Variants in PRRC2B observed in about 807,000 individuals in gnomAD.
The protein encoded by PRRC2B is protein PRRC2B.
A neutral mutation model predicts 242.3 loss-of-function variants in PRRC2B; 68 were observed. The ratio of observed to expected loss-of-function variants is 0.28; its 90% CI spans 0.23 to 0.34. The LOEUF is 0.34. Among genes scored for constraint, PRRC2B ranks in the 10% least tolerant of loss-of-function variants. The pLI is 1.00. For missense variants in PRRC2B, 2,835 were observed against 2,954.8 expected (o/e 0.96, Z 0.94); for synonymous variants, 1,228 against 1,173.6 (o/e 1.05, Z -0.95).
At chr9:131,422,869 T>C (rs1439911697) in intron 1 of PRRC2B, among the ~76,000 whole-genome samples, 1 of 152,230 alleles carries the variant, frequency 6.6e-6, no homozygotes, top group East Asian at 1.9e-4. Context: ...CATTGATTTG[T>C]TCCCAAATCT....
chr9:131,455,227 C>T, intron 10 of PRRC2B, 61 bp downstream of exon 10: 1 of 1,202,690 alleles, frequency 8.3e-7, no homozygotes. Flanking sequence ...TGTTGTGTAC[C>T]CAGAGCATTT....
rs1225371397 is a variant in PRRC2B at position 131,446,021 on chromosome 9, TC to T, written c.614-378del. 7.9e-5 allele frequency among the ~76,000 whole-genome samples: 12 copies of T among 152,134 alleles called. No individual in the cohort carries two copies. Among genetic ancestry groups the T allele is most frequent in the African/African-American group, 2.9e-4 (12 of 41,428 alleles). On this transcript the variant is annotated intron_variant, in intron 6 of 31. Transcript: ENST00000683519. The surrounding 1 kb of genome is among the most constrained non-coding windows in gnomAD (Gnocchi z 4.1). ...AACTTGCTCCTGTTTTAATGTGTAG[TC>T]CAGTGCTGACCCTAAGTGGGCTGGT...
At chr9:131,419,648 C>T (rs1411168077) in intron 1 of PRRC2B, among the ~76,000 whole-genome samples, 1 of 151,134 alleles carries the variant, frequency 6.6e-6, no homozygotes, top group East Asian at 1.9e-4. Context: ...GTGCGGGGGT[C>T]TTTGTTCTCT....
chr9:131,391,219 C>T (rs1052301887), upstream of PRRC2B, among the ~76,000 whole-genome samples: 16 of 152,118 alleles, frequency 1.1e-4, no homozygotes, highest in African/African-American at 3.9e-4. Context: ...CTGGAGGTCA[C>T]GGTGGTTGGC....
chr9:131,381,382 T>C (rs1297181218), intron 1 of PRRC2B, among the ~76,000 whole-genome samples: 1 of 151,730 alleles, frequency 6.6e-6, no homozygotes, highest in East Asian at 1.9e-4. Context: ...TTTTCATTGC[T>C]TCTTATACTC....
intron 9 of PRRC2B, among the ~76,000 whole-genome samples, chr9:131,454,228 T>C (rs915380462): frequency 6.6e-6 from 1 of 152,216 alleles, no homozygotes; most frequent in African/African-American, 2.4e-5. Context: ...CAAATAATAT[T>C]CCATTGTGTG....
chr9:131,477,821 G>C lies in PRRC2B; in HGVS notation c.4484G>C (p.Arg1495Pro). 6.2e-7 allele frequency: 1 copy of C among 1,613,210 alleles called. No individual in the cohort carries two copies. The highest frequency in any genetic ancestry group is 1.1e-5 in the South Asian group (1 of 91,040). ...GGCCACTCCCCCTATGCCCTGGAGC[G>C]GGCAGCCCATGCCAGTGCTGACCTT... ...GSGHSPYALE[R>P]AAHASADLPE... is the part of the protein sequence containing the mutation. The change falls in exon 17 of 32, where the codon CGG (arginine) becomes CCG (proline). Residue 1495 changes from arginine to proline, a missense_variant. Coordinates refer to ENST00000683519, the MANE Select transcript of PRRC2B (RefSeq NM_013318.4).
chr9:131,458,726 C>T (rs1415467185), intron 10 of PRRC2B, among the ~76,000 whole-genome samples: 1 of 152,186 alleles, frequency 6.6e-6, no homozygotes, highest in Non-Finnish European at 1.5e-5. Context: ...TGATCTGGAA[C>T]TCCTGACCTC....
At chr9:131,445,901 G>GA (rs1838785765) in intron 6 of PRRC2B, among the ~76,000 whole-genome samples, 1 of 152,228 alleles carries the variant, frequency 6.6e-6, no homozygotes, top group African/African-American at 2.4e-5. Context: ...ACCTCCACTG[G>GA]AAGGACAGCA....
In PRRC2B at chr9:131,467,699, G is replaced by A; in HGVS notation, c.1857G>A (p.Lys619=). The A allele has an allele frequency of 6.2e-7, 1 of 1,613,978 alleles. No individual in the cohort carries two copies. Among genetic ancestry groups the A allele is most frequent in the Non-Finnish European group, 8.5e-7 (1 of 1,179,900 alleles). The change falls in exon 13 of 32, where the codon AAG becomes AAA. Residue 619 remains lysine (K), a synonymous_variant. Transcript: ENST00000683519. Reference sequence around the variant, plus strand: ...CTGGGTCCCCTGCACAGGAGTTCAAGTATCAGAAGTCCCTTCCTCCCCGAT... The same window carrying A: ...CTGGGTCCCCTGCACAGGAGTTCAAATATCAGAAGTCCCTTCCTCCCCGAT... ...REAGSPAQEF[K]YQKSLPPRFQ...
At chr9:131,418,991 A>G (rs1205471061) in intron 1 of PRRC2B, among the ~76,000 whole-genome samples, 2 of 152,070 alleles carry the variant, frequency 1.3e-5, no homozygotes, top group East Asian at 3.8e-4. Flanking sequence ...TAGGGATGAT[A>G]CTTTTCTGTA....
At chr9:131,419,783 G>T (rs1488069446) in intron 1 of PRRC2B, among the ~76,000 whole-genome samples, 1 of 152,020 alleles carries the variant, frequency 6.6e-6, no homozygotes, top group Non-Finnish European at 1.5e-5. Context: ...CAGTGTTTCA[G>T]ATTTGAGACT....
chr9:131,389,149 A>G (rs1278898938), upstream of PRRC2B, among the ~76,000 whole-genome samples: 1 of 108,852 alleles, frequency 9.2e-6, no homozygotes, highest in Non-Finnish European at 1.9e-5. Context: ...GCTCCTTTCA[A>G]TTTTTTTTTT....
At chr9:131,389,912 G>GTTTTTTT (rs1229622613), upstream of PRRC2B, among the ~76,000 whole-genome samples, 2 of 136,384 alleles carry the variant, frequency 1.5e-5, no homozygotes, top group Non-Finnish European at 3.2e-5. Flanking sequence ...TCGGAACATG[G>GTTTTTTT]TTGTTTTTTT....
At chr9:131,454,992 G>T in intron 9 of PRRC2B, 84 bp from the exon 10 acceptor site, 1 of 1,011,482 alleles carries the variant, frequency 9.9e-7, no homozygotes, top group South Asian at 1.4e-5. Flanking sequence ...AAAGTACTGG[G>T]ATTACAGGCA....
At chr9:131,452,215 A>G (rs570147211) in intron 9 of PRRC2B, among the ~76,000 whole-genome samples, 4 of 152,262 alleles carry the variant, frequency 2.6e-5, no homozygotes, top group East Asian at 1.9e-4. Flanking sequence ...CACTGCTGCA[A>G]TAATGGCTCA....
rs1010086722 is a variant in PRRC2B, at chr9:131,446,724, C to T, written c.855+82C>T. ...ATAGGTCAAGTGGTTGAATGTCCCCCTTGGGGTCTCCTCTTGGCCCTGTTA... is the reference window on the plus strand; with the variant it reads ...ATAGGTCAAGTGGTTGAATGTCCCCTTTGGGGTCTCCTCTTGGCCCTGTTA... On this transcript the variant is annotated intron_variant, in intron 7 of 31. Transcript: ENST00000683519. The surrounding 1 kb of genome is among the most constrained non-coding windows in gnomAD (Gnocchi z 4.1). 9 of 1,502,536 alleles carry T rather than the reference C, an allele frequency of 6.0e-6. No homozygotes were observed. In the African/African-American group the frequency reaches 1.2e-4, roughly 21 times the overall value. 93.1% of individuals were successfully genotyped at this position (1,502,536 alleles called of 1,614,324 possible). A position where few individuals can be genotyped will look rare whatever the true frequency, so the allele number is the denominator to read the frequency against.
chr9:131,395,829 C>T (rs1445684196), intron 1 of PRRC2B, among the ~76,000 whole-genome samples: 1 of 152,206 alleles, frequency 6.6e-6, no homozygotes, highest in East Asian at 1.9e-4. Context: ...GTCTCTAGAA[C>T]TTAGTAGACC....
chr9:131,393,943 A>G (rs1304483893), upstream of PRRC2B: 1 of 148,496 alleles, frequency 6.7e-6, no homozygotes, highest in Admixed American at 6.7e-5. Flanking sequence ...CCCCGGGCCG[A>G]TCCCAAGGCC....
Sources: allele counts gnomAD v4.1 joint callset (sites outside exome capture counted in the v4.1 genomes callset), GRCh38; gene constraint gnomAD v4.1.1; non-coding constraint Gnocchi (gnomAD v3.1); transcripts MANE v1.5; gene names NCBI Gene and HGNC (gene_info 2026-07-23, HGNC 2026-07-21).